PRKCE: variants seen among roughly 807,000 people sequenced by gnomAD.
The protein encoded by PRKCE is protein kinase C epsilon type.
Under a neutral mutation model 85.4 loss-of-function variants are expected in PRKCE, and 16 were observed. The ratio of observed to expected loss-of-function variants is 0.19; its 90% confidence interval spans 0.13 to 0.28. PRKCE has a LOEUF of 0.28. PRKCE is among the 10% of genes least tolerant of loss of function. The probability of loss-of-function intolerance (pLI) is 1.00; values close to 1 mark genes in which losing one functional copy is unlikely to be tolerated. For missense variants in PRKCE, 573 were observed against 975.2 expected, an observed-to-expected ratio of 0.59 and a Z score of 5.49; for synonymous variants, 388 against 371.5, an observed-to-expected ratio of 1.04 and a Z score of -0.51.
chr2:45,695,358 C>T (rs1678059892), intron 1 of PRKCE, among the ~76,000 whole-genome samples: 2 of 152,178 alleles, frequency 1.3e-5, no homozygotes, highest in Non-Finnish European at 2.9e-5. Context: ...AACTTCATTA[C>T]AGTCTTTCTT....
chr2:46,049,238 G>T (rs1037145657), intron 10 of PRKCE, among the ~76,000 whole-genome samples: 1 of 152,130 alleles, frequency 6.6e-6, no homozygotes, highest in East Asian at 1.9e-4. Context: ...GGGACCTCAG[G>T]GTTTCTGCTT....
At chr2:46,059,931 G>T (rs1666946421) in intron 10 of PRKCE, among the ~76,000 whole-genome samples, 1 of 152,162 alleles carries the variant, frequency 6.6e-6, no homozygotes, top group Admixed American at 6.5e-5. Flanking sequence ...AAAGGATATT[G>T]CACATTCTAG....
Position 46,155,141 on chromosome 2 carries a change from C to T in PRKCE, c.1920+3912C>T, listed in dbSNP as rs1354315626. 3.3e-5 allele frequency among the ~76,000 whole-genome samples: 5 copies of T among 152,172 alleles called. No homozygotes were observed. The highest frequency in any genetic ancestry group is 2.1e-4 in the South Asian group (1 of 4,824). On this transcript the variant is annotated intron_variant, in intron 13 of 14. Coordinates refer to ENST00000306156, the MANE Select transcript of PRKCE (RefSeq NM_005400.3). This position sits in a 1 kb window ranked among gnomAD's most constrained non-coding sequence, Gnocchi z 4.7. ...ACCCCTCATGATCCCCCAGCAGCAACGAGGACTTCACCTCACCAGATCTGG... is the reference window on the plus strand; with the variant it reads ...ACCCCTCATGATCCCCCAGCAGCAATGAGGACTTCACCTCACCAGATCTGG...
At chr2:45,884,996 TATATA>T (rs1423545505) in intron 2 of PRKCE, among the ~76,000 whole-genome samples, 891 of 74,906 alleles carry the variant, frequency 0.012, 64 homozygotes, top group East Asian at 0.093. Context: ...TATATATATA[TATATA>T]TTTGTTGTTG....
At chr2:45,740,506 C>T (rs915636938) in intron 1 of PRKCE, among the ~76,000 whole-genome samples, 1 of 152,178 alleles carries the variant, frequency 6.6e-6, no homozygotes, top group Admixed American at 6.5e-5. Context: ...TCCCCAACCA[C>T]CTGACACGTT....
chr2:46,116,201 G>A (rs562059082), intron 11 of PRKCE, among the ~76,000 whole-genome samples: 8 of 152,300 alleles, frequency 5.3e-5, no homozygotes, highest in South Asian at 4.1e-4. Flanking sequence ...ATCCTCCAAG[G>A]TACCCAGCTT....
intron 11 of PRKCE, among the ~76,000 whole-genome samples, chr2:46,109,020 A>G (rs1420567680): frequency 1.3e-5 from 2 of 151,706 alleles, no homozygotes; most frequent in African/African-American, 4.8e-5. Context: ...ATTTGAGTCT[A>G]TTTTGAGGCT....
At chr2:46,025,559 G>A (rs953303449) in intron 10 of PRKCE, among the ~76,000 whole-genome samples, 1 of 152,160 alleles carries the variant, frequency 6.6e-6, no homozygotes, top group Admixed American at 6.5e-5. Context: ...AGGAAACTGA[G>A]GCACAAGCGT....
At chr2:45,891,110 G>A (rs1468918977) in intron 2 of PRKCE, among the ~76,000 whole-genome samples, 1 of 152,164 alleles carries the variant, frequency 6.6e-6, no homozygotes, top group Non-Finnish European at 1.5e-5. Context: ...AGCCAGCAGT[G>A]GAAAGTGAAA....
chr2:45,685,919 A>G (rs889196009), intron 1 of PRKCE, among the ~76,000 whole-genome samples: 1 of 152,228 alleles, frequency 6.6e-6, no homozygotes, highest in African/African-American at 2.4e-5. Flanking sequence ...AACCCTGACT[A>G]TTCAGTAGTC....
At position 45,661,480 on chromosome 2, in the gene PRKCE, G is replaced by A. The variant is rs146314233; in HGVS notation, c.348+9032G>A. On this transcript the variant is annotated intron_variant, in intron 1 of 14. Transcript: ENST00000306156. ...TTATATAAGAGAAGTGAGCCACTGC[G>A]CCTGGCTTCAAGAAGAGTTTTTTTT... Among the ~76,000 whole-genome samples the A allele has an allele frequency of 7.9e-3, 1,176 of 148,822 alleles. 15 individuals are homozygous for A. The highest frequency in any genetic ancestry group is 0.026 in the African/African-American group (1,062 of 40,584).
chr2:45,971,097 T>C (rs1292203551), intron 2 of PRKCE, among the ~76,000 whole-genome samples: 1 of 152,172 alleles, frequency 6.6e-6, no homozygotes, highest in Non-Finnish European at 1.5e-5. Flanking sequence ...GGCACAAAAT[T>C]GCATGATAGA....
chr2:46,072,939 G>C (rs1668200938), intron 10 of PRKCE, among the ~76,000 whole-genome samples: 1 of 152,218 alleles, frequency 6.6e-6, no homozygotes, highest in Non-Finnish European at 1.5e-5. Flanking sequence ...CCCAGCAGCT[G>C]CCTAATCTGC....
intron 1 of PRKCE, among the ~76,000 whole-genome samples, chr2:45,764,215 G>A (rs1018502798): frequency 6.6e-6 from 1 of 152,146 alleles, no homozygotes; most frequent in Non-Finnish European, 1.5e-5. Flanking sequence ...GTTTCTTAAA[G>A]CAAAGCCCAC....
At chr2:46,030,350 T>A (rs981736134) in intron 10 of PRKCE, among the ~76,000 whole-genome samples, 7 of 152,222 alleles carry the variant, frequency 4.6e-5, no homozygotes, top group South Asian at 4.1e-4. Flanking sequence ...CATGGGGCAC[T>A]CTGGAGTGCT....
At chr2:45,965,736 C>T (rs534694974) in intron 2 of PRKCE, among the ~76,000 whole-genome samples, 2 of 152,192 alleles carry the variant, frequency 1.3e-5, no homozygotes, top group South Asian at 2.1e-4. Context: ...TATTATATAC[C>T]CTTGCAGAAA....
At chr2:45,773,323 T>C (rs964233207) in intron 1 of PRKCE, among the ~76,000 whole-genome samples, 15 of 152,132 alleles carry the variant, frequency 9.9e-5, no homozygotes, top group Non-Finnish European at 2.1e-4. Flanking sequence ...CTGTGTGACA[T>C]TGAGTGGAGA....
At chr2:45,940,878 G>A (rs1025768837) in intron 2 of PRKCE, among the ~76,000 whole-genome samples, 3 of 146,992 alleles carry the variant, frequency 2.0e-5, no homozygotes, top group Admixed American at 7.0e-5. Context: ...GGCCAACATG[G>A]TGAAACCCCA....
intron 10 of PRKCE, among the ~76,000 whole-genome samples, chr2:46,034,688 C>G (rs150919352): frequency 3.9e-5 from 6 of 152,316 alleles, no homozygotes; most frequent in African/African-American, 1.4e-4. Flanking sequence ...TGGACAGAAC[C>G]CAGGGCGGGG....
Sources: gnomAD v4.1 joint callset for allele counts (sites outside exome capture counted in the v4.1 genomes callset) on GRCh38, gnomAD v4.1.1 for gene constraint, Gnocchi (gnomAD v3.1) non-coding constraint, MANE v1.5 for transcripts, NCBI Gene and HGNC (gene_info 2026-07-23, HGNC 2026-07-21) for gene names.